The following MKX variants were observed in gnomAD, a reference collection of about 807,000 sequenced individuals.
MKX encodes the protein mohawk homeobox, also known as homeobox protein Mohawk.
MKX carries 13 observed loss-of-function variants against 36.0 expected under a neutral mutation model. The observed-to-expected ratio is 0.36, with a 90% CI of 0.24 to 0.57. MKX has a LOEUF of 0.57. MKX is among the 20% of genes least tolerant of loss of function. The probability of loss-of-function intolerance (pLI) is 0.79; values close to 1 mark genes in which losing one functional copy is unlikely to be tolerated. For synonymous variants in MKX, 176 were observed against 178.3 expected (o/e 0.99, Z 0.10); for missense variants, 458 against 456.4 (o/e 1.00, Z -0.03).
intron 5 of MKX, among the ~76,000 whole-genome samples, chr10:27,686,299 A>C (rs1217566654): frequency 6.6e-6 from 1 of 152,080 alleles, no homozygotes; most frequent in African/African-American, 2.4e-5. Flanking sequence ...TCCTCGGGGT[A>C]TAAACAATGA....
At chr10:27,686,723 C>T (rs558039058) in intron 5 of MKX, among the ~76,000 whole-genome samples, 42 of 152,276 alleles carry the variant, frequency 2.8e-4, no homozygotes, top group Non-Finnish European at 4.9e-4. Flanking sequence ...GTGATCCGCC[C>T]GCCTTGGCCT....
At chr10:27,678,693 G>A (rs12411792) in intron 5 of MKX, among the ~76,000 whole-genome samples, 3,786 of 152,192 alleles carry the variant, frequency 0.025, 269 homozygotes, top group East Asian at 0.24. Flanking sequence ...TGTAATTCAC[G>A]GCTCAGGTCC....
chr10:27,702,704 C>A (rs1402214975), intron 5 of MKX, among the ~76,000 whole-genome samples: 1 of 151,996 alleles, frequency 6.6e-6, no homozygotes, highest in African/African-American at 2.4e-5. Flanking sequence ...AATGCAGGAT[C>A]GCAGATCAGA....
chr10:27,700,740 C>CTAG (rs773624828), intron 5 of MKX, among the ~76,000 whole-genome samples: 46 of 152,244 alleles, frequency 3.0e-4, no homozygotes, highest in Non-Finnish European at 6.2e-4. Context: ...TCGTTAACAG[C>CTAG]TAGTAATACA....
chr10:27,718,766 A>G (rs1834305583), intron 5 of MKX, among the ~76,000 whole-genome samples: 1 of 152,148 alleles, frequency 6.6e-6, no homozygotes, highest in Non-Finnish European at 1.5e-5. Context: ...TTTTTATTTA[A>G]CTAAATTATA....
At chr10:27,738,508 A>G (rs1246209740) in intron 3 of MKX, among the ~76,000 whole-genome samples, 1 of 152,034 alleles carries the variant, frequency 6.6e-6, no homozygotes, top group Non-Finnish European at 1.5e-5. Context: ...TTTAATGTCA[A>G]ACTGAATGCT....
chr10:27,676,137 G>A (rs1403100602), intron 5 of MKX, among the ~76,000 whole-genome samples: 4 of 152,086 alleles, frequency 2.6e-5, no homozygotes, highest in Non-Finnish European at 5.9e-5. Flanking sequence ...GCTGGGTATG[G>A]TGGGTGTTCA....
At chr10:27,716,306 C>G (rs897918640) in intron 5 of MKX, among the ~76,000 whole-genome samples, 4 of 151,718 alleles carry the variant, frequency 2.6e-5, no homozygotes, top group Admixed American at 2.6e-4. Flanking sequence ...AGCACATTGT[C>G]AGGCTACTAG....
In MKX at chr10:27,743,236, C is replaced by G; in HGVS notation, c.180G>C (p.Arg60=). 1 of 1,514,426 alleles carries G rather than the reference C, an allele frequency of 6.6e-7. No homozygotes were observed. Among genetic ancestry groups the G allele is most frequent in the Non-Finnish European group, 8.8e-7 (1 of 1,138,062 alleles). 93.8% of individuals were successfully genotyped at this position (1,514,426 alleles called of 1,614,324 possible). A position where few individuals can be genotyped will look rare whatever the true frequency, so the allele number is the denominator to read the frequency against. ...CAGGGGAGTGCGCATACCCGGTCCT[C>G]CGGTGTCTCAGGCCGAGGTTGTCCT... ...PLKDNLGLRH[R]RTGARQNGGK... The change falls in exon 2 of 7, where the codon CGG becomes CGC. Residue 60 remains arginine, a synonymous_variant. Transcript: ENST00000419761.
At chr10:27,739,947 A>T (rs1422277252) in intron 3 of MKX, among the ~76,000 whole-genome samples, 1 of 152,228 alleles carries the variant, frequency 6.6e-6, no homozygotes. Context: ...CTACTTTGGT[A>T]CATTGCTAAA....
rs1352809195 is a variant in MKX, at chr10:27,743,280, G to C, written c.136C>G (p.Pro46Ala). 2 of 1,552,144 alleles carry C rather than the reference G, an allele frequency of 1.3e-6. No individual in the cohort carries two copies. The highest frequency in any genetic ancestry group is 1.7e-6 in the Non-Finnish European group (2 of 1,154,582). ...TTGTCCTTGAGGGGCGGGCCGTCGG[G>C]AATGCCCACCTCGGGGCGGGCGTGA... is the stretch of plus-strand genomic sequence containing the variant. ...SPHARPEVGIPDGPPLKDNLG... is the reference protein window; with the variant it reads ...SPHARPEVGIADGPPLKDNLG... Residue 46 changes from proline (P) to alanine (A), a missense_variant, in exon 2 of 7, where the codon CCC becomes GCC. Physicochemically the swap from Pro to Ala is conservative, Grantham distance 27. This residue lies in a region of MKX where 149 missense variants were observed against 114.3 expected (regional missense o/e 1.30). Coordinates refer to ENST00000419761, the MANE Select transcript of MKX (RefSeq NM_173576.3).
Position 27,703,260 on chromosome 10 carries a change from A to C in MKX, c.839-27706T>G, listed in dbSNP as rs191201196. Reference sequence around the variant, plus strand: ...GCTTTCTCCATCGTTATCATATTGGAACCTTGAAACAGCCCTGGGAGGTGG... The same window carrying C: ...GCTTTCTCCATCGTTATCATATTGGCACCTTGAAACAGCCCTGGGAGGTGG... On this transcript the variant is annotated intron_variant, in intron 5 of 6. Coordinates refer to ENST00000419761, the MANE Select transcript of MKX (RefSeq NM_173576.3). Among the ~76,000 whole-genome samples the C allele has an allele frequency of 2.0e-4, 31 of 152,316 alleles. No homozygotes were observed. The East Asian group carries it at 5.8e-3, about 28-fold the overall frequency.
intron 5 of MKX, among the ~76,000 whole-genome samples, chr10:27,688,157 C>T (rs578075034): frequency 1.3e-5 from 2 of 150,176 alleles, no homozygotes; most frequent in African/African-American, 4.9e-5. Flanking sequence ...AGCTTGAGCA[C>T]ATATACCAAG....
chr10:27,704,922 T>C (rs1589670295), intron 5 of MKX, among the ~76,000 whole-genome samples: 1 of 152,124 alleles, frequency 6.6e-6, no homozygotes, highest in Non-Finnish European at 1.5e-5. Context: ...TATAACTAAT[T>C]TGGGCAAAAT....
At chr10:27,682,289 C>T (rs1836267721) in intron 5 of MKX, among the ~76,000 whole-genome samples, 1 of 152,096 alleles carries the variant, frequency 6.6e-6, no homozygotes, top group Admixed American at 6.5e-5. Context: ...AGAGTCAAAA[C>T]TTTTTTTAAA....
In MKX at chr10:27,744,597, C is replaced by T. The variant is rs1398773929; in HGVS notation, c.-82-1100G>A. Among the ~76,000 whole-genome samples the T allele has an allele frequency of 2.0e-5, 3 of 152,138 alleles. No individual in the cohort carries two copies. Among genetic ancestry groups the T allele is most frequent in the African/African-American group, 2.4e-5 (1 of 41,446 alleles). On this transcript the variant is annotated intron_variant, in intron 1 of 6. Transcript: ENST00000419761. This position sits in a 1 kb window ranked among gnomAD's most constrained non-coding sequence, Gnocchi z 5.6. ...TCGCCCGCCCCATCTCCTCGCCTCGCGCCTCGGGACAGCTCCCGTTTCCTC... is the reference window on the plus strand; with the variant it reads ...TCGCCCGCCCCATCTCCTCGCCTCGTGCCTCGGGACAGCTCCCGTTTCCTC...
At chr10:27,690,608 G>A (rs181283438) in intron 5 of MKX, among the ~76,000 whole-genome samples, 30 of 152,214 alleles carry the variant, frequency 2.0e-4, no homozygotes, top group African/African-American at 7.2e-4. Context: ...TACTTCGTAC[G>A]GTTGCTGTGG....
rs1439381260 is a variant in MKX, at chr10:27,735,388, A to G, written c.349-14T>C. On this transcript the variant is annotated splice_polypyrimidine_tract_variant and intron_variant, in intron 3 of 6. Transcript: ENST00000419761. The stretch of plus-strand genomic sequence containing the variant: ...CCAATTTGACACCTAAAACAGTATT[A>G]TTTTTCAATTAACAAAACTTAAAAA... The G allele has an allele frequency of 1.9e-6, 3 of 1,596,656 alleles. No individual in the cohort carries two copies. Among genetic ancestry groups the G allele is most frequent in the Middle Eastern group, 1.7e-4 (1 of 5,962 alleles).
intron 5 of MKX, among the ~76,000 whole-genome samples, chr10:27,696,851 CAAG>C (rs1253662532): frequency 2.0e-5 from 3 of 152,146 alleles, no homozygotes; most frequent in African/African-American, 7.2e-5. Flanking sequence ...GGTTCTTACT[CAAG>C]AAGAGTATGG....
Sources: allele counts gnomAD v4.1 joint callset (sites outside exome capture counted in the v4.1 genomes callset), GRCh38; gene constraint gnomAD v4.1.1; regional missense constraint gnomAD v4.1.1; non-coding constraint Gnocchi (gnomAD v3.1); transcripts MANE v1.5; gene names NCBI Gene and HGNC (gene_info 2026-07-23, HGNC 2026-07-21).